The following MYBL2 variants were observed in gnomAD, a reference collection of about 807,000 sequenced individuals.
MYBL2 encodes myb-related protein B.
Under a neutral mutation model 79.9 loss-of-function variants are expected in MYBL2, and 28 were observed. The ratio of observed to expected loss-of-function variants is 0.35; its 90% confidence interval spans 0.26 to 0.48. The LOEUF is 0.48. Among genes scored for constraint, MYBL2 ranks in the 20% least tolerant of loss-of-function variants. MYBL2 has a pLI of 0.99. For synonymous variants in MYBL2, 378 were observed against 361.2 expected (o/e 1.05, Z -0.53); for missense variants, 735 against 893.9 (o/e 0.82, Z 2.27).
intron 12 of MYBL2, among the ~76,000 whole-genome samples, chr20:43,713,830 G>A (rs997159652): frequency 6.6e-6 from 1 of 152,208 alleles, no homozygotes; most frequent in Non-Finnish European, 1.5e-5. Flanking sequence ...CCTGTGCAGA[G>A]CCTGGGTCCC....
Position 43,711,621 on chromosome 20 carries a change from G to A in MYBL2, c.1719+20G>A, listed in dbSNP as rs1002402744. The A allele has an allele frequency of 5.0e-6, 8 of 1,598,250 alleles. No homozygotes were observed. The highest frequency in any genetic ancestry group is 6.8e-6 in the Non-Finnish European group (8 of 1,171,416). Reference sequence around the variant, plus strand: ...CCTGGGGTGAGTAGGGTAGGGGTGGGAGAGCCTGGGCAGGGGGAATTGGAG... The same window carrying A: ...CCTGGGGTGAGTAGGGTAGGGGTGGAAGAGCCTGGGCAGGGGGAATTGGAG... On this transcript the variant is annotated intron_variant, in intron 11 of 13. Transcript: ENST00000217026.
chr20:43,679,095 G>C (rs1021192669), intron 2 of MYBL2, among the ~76,000 whole-genome samples: 3 of 152,050 alleles, frequency 2.0e-5, no homozygotes, highest in Non-Finnish European at 4.4e-5. Flanking sequence ...GAGATGGACT[G>C]GGGAACACAG....
chr20:43,708,129 C>G (rs546632905), intron 9 of MYBL2, among the ~76,000 whole-genome samples: 18 of 152,276 alleles, frequency 1.2e-4, no homozygotes, highest in Non-Finnish European at 2.2e-4. Flanking sequence ...TTGAGACAGT[C>G]TTGCTCTGTC....
intron 5 of MYBL2, among the ~76,000 whole-genome samples, chr20:43,689,632 G>A (rs1288477578): frequency 2.0e-5 from 3 of 152,176 alleles, no homozygotes; most frequent in Non-Finnish European, 4.4e-5. Context: ...CTCCCAGACT[G>A]TGGTTGGTCT....
chr20:43,684,281 A>G (rs1369666020), intron 4 of MYBL2, among the ~76,000 whole-genome samples: 1 of 149,140 alleles, frequency 6.7e-6, no homozygotes, highest in Non-Finnish European at 1.5e-5. Context: ...TCTGTCGTCC[A>G]GGCTGGAGTG....
chr20:43,708,928 A>T (rs1230094077), intron 9 of MYBL2, among the ~76,000 whole-genome samples: 1 of 152,052 alleles, frequency 6.6e-6, no homozygotes, highest in Non-Finnish European at 1.5e-5. Flanking sequence ...ACAGAGGGGG[A>T]TCTCTGTGTG....
chr20:43,667,543 G>T (rs1252440048), intron 1 of MYBL2, among the ~76,000 whole-genome samples: 1 of 152,154 alleles, frequency 6.6e-6, no homozygotes, highest in Non-Finnish European at 1.5e-5. Context: ...TCGGAGCTGG[G>T]ACGGGCGGGT....
At chr20:43,700,373 G>A (rs1987653334) in intron 7 of MYBL2, among the ~76,000 whole-genome samples, 1 of 152,234 alleles carries the variant, frequency 6.6e-6, no homozygotes, top group South Asian at 2.1e-4. Flanking sequence ...GCACAGGACA[G>A]CGTGGTATTT....
rs755844538 is a variant in MYBL2, at chr20:43,715,980, G to T, written c.1996G>T (p.Val666Leu). 6.2e-7 allele frequency: 1 copy of T among 1,612,038 alleles called. No individual in the cohort carries two copies. Among genetic ancestry groups the T allele is most frequent in the Admixed American group, 1.7e-5 (1 of 59,818 alleles). Residue 666 changes from valine (V) to leucine (L), a missense_variant, in exon 14 of 14, where the codon GTG becomes TTG. Physicochemically the swap from Val to Leu is conservative, Grantham distance 32 (BLOSUM62 1). Around this residue, in one of 5 missense-constraint regions of MYBL2, gnomAD observed 204 missense variants for 202.9 expected, o/e 1.01. Coordinates refer to ENST00000217026, the MANE Select transcript of MYBL2 (RefSeq NM_002466.4). ...CCAGATGTCCAGTGCCTGGAAGACG[G>T]TGGCCTGCGGGGGGACCAGGGACCA... ...PAPMSSAWKT[V>L]ACGGTRDQLF...
intron 2 of MYBL2, among the ~76,000 whole-genome samples, chr20:43,674,234 CTT>C (rs1555809925): frequency 6.1e-4 from 44 of 72,222 alleles, no homozygotes; most frequent in African/African-American, 1.7e-3. Flanking sequence ...TCCCCCCACC[CTT>C]TTTTTTTTTT....
chr20:43,693,630 C>A (rs1401397946), intron 6 of MYBL2, among the ~76,000 whole-genome samples: 1 of 152,132 alleles, frequency 6.6e-6, no homozygotes, highest in Non-Finnish European at 1.5e-5. Flanking sequence ...AGCCAGCATG[C>A]CCCAGCTACA....
intron 11 of MYBL2, among the ~76,000 whole-genome samples, chr20:43,712,786 G>T (rs1327401473): frequency 6.6e-6 from 1 of 152,130 alleles, no homozygotes; most frequent in East Asian, 1.9e-4. Context: ...GCAGGATAGG[G>T]TCTACCTTGG....
chr20:43,697,136 G>A (rs1987563745), intron 6 of MYBL2, among the ~76,000 whole-genome samples: 1 of 152,150 alleles, frequency 6.6e-6, no homozygotes, highest in Non-Finnish European at 1.5e-5. Flanking sequence ...TCCTGCTATA[G>A]GTGGTATATA....
chr20:43,702,978 CA>C, intron 8 of MYBL2, 75 bp downstream of exon 8: 1 of 1,446,298 alleles, frequency 6.9e-7, no homozygotes, highest in Non-Finnish European at 9.3e-7. Flanking sequence ...CAAGGGTGAG[CA>C]AAACGAGACC....
chr20:43,673,985 G>A lies in MYBL2; in HGVS notation c.114+86G>A. 4 of 1,197,882 alleles carry A rather than the reference G, an allele frequency of 3.3e-6. No homozygotes were observed. In the Admixed American group the frequency reaches 6.0e-5, roughly 18 times the overall value. 74.2% of individuals were successfully genotyped at this position (1,197,882 alleles called of 1,614,324 possible). A position where few individuals can be genotyped will look rare whatever the true frequency, so the allele number is the denominator to read the frequency against. ...CTGGAGTGTATTTGATGTCTCATCA[G>A]ATGGGATGAAGAGGAGGAGCCGGTG... On this transcript the variant is annotated intron_variant, in intron 2 of 13. Coordinates refer to ENST00000217026, the MANE Select transcript of MYBL2 (RefSeq NM_002466.4).
intron 1 of MYBL2, among the ~76,000 whole-genome samples, chr20:43,669,030 A>T (rs921486450): frequency 1.3e-5 from 2 of 152,094 alleles, no homozygotes; most frequent in Admixed American, 6.6e-5. Context: ...CGCCTGGCTA[A>T]TTTTTTGGAT....
At chr20:43,705,970 G>A (rs1261332347) in intron 9 of MYBL2, among the ~76,000 whole-genome samples, 1 of 152,190 alleles carries the variant, frequency 6.6e-6, no homozygotes, top group Non-Finnish European at 1.5e-5. Context: ...AAAATGCTGG[G>A]ATTACAGGCG....
intron 6 of MYBL2, among the ~76,000 whole-genome samples, chr20:43,697,303 A>G (rs188688610): frequency 6.6e-6 from 1 of 152,272 alleles, no homozygotes; most frequent in Non-Finnish European, 1.5e-5. Context: ...ATTAAAATAT[A>G]ATTGACAAAT....
At chr20:43,706,717 A>G (rs1428540353) in intron 9 of MYBL2, among the ~76,000 whole-genome samples, 1 of 95,284 alleles carries the variant, frequency 1.0e-5, no homozygotes, top group African/African-American at 4.8e-5. Context: ...AAAAAAAAAA[A>G]AGTTTTTTTT....
Sources: gnomAD v4.1 joint callset for allele counts (sites outside exome capture counted in the v4.1 genomes callset) on GRCh38, gnomAD v4.1.1 for gene constraint, gnomAD v4.1.1 regional missense constraint, MANE v1.5 for transcripts, NCBI Gene and HGNC (gene_info 2026-07-23, HGNC 2026-07-21) for gene names.